Variants in CHRNA2 observed in about 807,000 individuals in gnomAD.
CHRNA2 encodes the protein neuronal acetylcholine receptor subunit alpha-2.
A neutral mutation model predicts 45.5 loss-of-function variants in CHRNA2; 40 were observed. That is an observed-to-expected ratio of 0.88 (90% CI 0.68 to 1.15). CHRNA2 has a LOEUF of 1.15. Among genes scored for constraint, CHRNA2 ranks in the 50% most tolerant of loss-of-function variants. CHRNA2 has a pLI of 0.00. For missense variants in CHRNA2, 655 were observed against 701.7 expected (o/e 0.93, Z 0.75); for synonymous variants, 301 against 296.7 (o/e 1.01, Z -0.15).
At chr8:27,464,113 G>A in intron 5 of CHRNA2, 120 bp from the exon 6 acceptor site, 1 of 1,164,098 alleles carries the variant, frequency 8.6e-7, no homozygotes, top group South Asian at 1.3e-5. Flanking sequence ...ACACTGGCGG[G>A]GTTTATTTAT....
At chr8:27,464,493 GT>G (rs560301832) in intron 5 of CHRNA2, among the ~76,000 whole-genome samples, 188 of 152,212 alleles carry the variant, frequency 1.2e-3, no homozygotes, top group African/African-American at 4.4e-3. Flanking sequence ...CTCTTCCAAA[GT>G]TCGTGCGTGT....
At chr8:27,473,528 C>A (rs545556153) in intron 1 of CHRNA2, among the ~76,000 whole-genome samples, 12 of 119,762 alleles carry the variant, frequency 1.0e-4, no homozygotes, top group South Asian at 2.9e-4. Context: ...AGTGAGACCC[C>A]CCCCGCCGTC....
chr8:27,472,405 G>T (rs141457058), intron 1 of CHRNA2, among the ~76,000 whole-genome samples: 1 of 152,172 alleles, frequency 6.6e-6, no homozygotes, highest in Non-Finnish European at 1.5e-5. Context: ...GATGGTGTCT[G>T]AATTGAATTA....
intron 4 of CHRNA2, among the ~76,000 whole-genome samples, chr8:27,467,797 C>T (rs1459747955): frequency 6.6e-6 from 1 of 152,114 alleles, no homozygotes; most frequent in Non-Finnish European, 1.5e-5. Flanking sequence ...AAACTGAGGA[C>T]CCAGAGACAG....
In CHRNA2 at chr8:27,467,245, T is replaced by C. The variant is rs1064795580; in HGVS notation, c.433A>G (p.Ile145Val). The C allele has an allele frequency of 6.2e-6, 10 of 1,613,324 alleles. No homozygotes were observed. The highest frequency in any genetic ancestry group is 1.3e-5 in the African/African-American group (1 of 74,900). Residue 145 changes from isoleucine (I) to valine (V), a missense_variant, in exon 5 of 7, where the codon ATT (isoleucine) becomes GTT (valine). Physicochemically the swap from Ile to Val is conservative, Grantham distance 29. Around this residue, in one of 3 missense-constraint regions of CHRNA2, gnomAD observed 323 missense variants for 354.4 expected, o/e 0.91. Coordinates refer to ENST00000407991, the MANE Select transcript of CHRNA2 (RefSeq NM_000742.4). Reference protein sequence around the residue: ...VPSEMIWIPDIVLYNNADGEF... With the variant: ...VPSEMIWIPDVVLYNNADGEF... ...GCTTCCTACTTGTTGTAGAGAACAATGTCGGGGATCCAGATCATCTCAGAA... is the reference window on the plus strand; with the variant it reads ...GCTTCCTACTTGTTGTAGAGAACAACGTCGGGGATCCAGATCATCTCAGAA...
intron 1 of CHRNA2, 108 bp from the exon 2 acceptor site, chr8:27,471,302 C>G (rs1812876710): frequency 2.2e-6 from 1 of 465,108 alleles, no homozygotes; most frequent in Admixed American, 3.3e-5. Flanking sequence ...AGGCCCTCAG[C>G]AGGCCTCTCA....
chr8:27,463,262 C>A lies in CHRNA2; in HGVS notation c.1181G>T (p.Arg394Leu). ...GTGATAAGAGGGGCTGAGCTTCAGG[C>A]GTAGGGGGTGGCAGAGCTCCACGGG... ...PPPVELCHPL[R>L]LKLSPSYHWL... Residue 394 changes from arginine to leucine, a missense_variant, in exon 6 of 7, where the codon CGC becomes CTC. Coordinates refer to ENST00000407991, the MANE Select transcript of CHRNA2 (RefSeq NM_000742.4). This position sits in a 1 kb window ranked among gnomAD's most constrained non-coding sequence, Gnocchi z 6.1. 1.2e-6 allele frequency: 2 copies of A among 1,603,778 alleles called. No individual in the cohort carries two copies. Among genetic ancestry groups the A allele is most frequent in the Non-Finnish European group, 1.7e-6 (2 of 1,173,360 alleles).
Position 27,467,204 on chromosome 8 carries a change from C to T in CHRNA2, c.449+25G>A. ...CCTGCAAGTTGGCCTCCCCTCATCC[C>T]CCCAGGACCCCAATGGCTTCCTACT... On this transcript the variant is annotated intron_variant, in intron 5 of 6. Transcript: ENST00000407991. 5 of 1,589,844 alleles carry T rather than the reference C, an allele frequency of 3.1e-6. No individual in the cohort carries two copies. The South Asian group carries it at 4.4e-5, about 14-fold the overall frequency.
chr8:27,463,256 T>C lies in CHRNA2; in HGVS notation c.1187A>G (p.Lys396Arg). The change falls in exon 6 of 7, where the codon AAG becomes AGG. Residue 396 changes from lysine (K) to arginine (R), a missense_variant. Lys to Arg is a conservative substitution (Grantham distance 26). Coordinates refer to ENST00000407991, the MANE Select transcript of CHRNA2 (RefSeq NM_000742.4). This position sits in a 1 kb window ranked among gnomAD's most constrained non-coding sequence, Gnocchi z 6.1. The stretch of plus-strand genomic sequence containing the variant: ...CAGCCAGTGATAAGAGGGGCTGAGC[T>C]TCAGGCGTAGGGGGTGGCAGAGCTC... Reference protein sequence around the residue: ...PVELCHPLRLKLSPSYHWLES... With the variant: ...PVELCHPLRLRLSPSYHWLES... 3.7e-6 allele frequency: 6 copies of C among 1,600,410 alleles called. No homozygotes were observed. Among genetic ancestry groups the C allele is most frequent in the Non-Finnish European group, 4.3e-6 (5 of 1,170,972 alleles).
rs141195432 is a variant in CHRNA2 at position 27,464,463 on chromosome 8, G to A, written c.450-470C>T. Among the ~76,000 whole-genome samples, 246 of 152,230 alleles carry A rather than the reference G, an allele frequency of 1.6e-3. 1 individual carries two copies. The highest frequency in any genetic ancestry group is 5.8e-3 in the African/African-American group (239 of 41,528). ...AGGCCAGCCACGCCACGGGGGAGAA[G>A]GAGATAGCATTCAAAGCATCTCTTC... is the stretch of plus-strand genomic sequence containing the variant. On this transcript the variant is annotated intron_variant, in intron 5 of 6. Coordinates refer to ENST00000407991, the MANE Select transcript of CHRNA2 (RefSeq NM_000742.4).
Position 27,463,999 on chromosome 8 carries a change from A to T in CHRNA2, c.450-6T>A, listed in dbSNP as rs757498454. The T allele has an allele frequency of 1.2e-5, 19 of 1,613,890 alleles. No individual in the cohort carries two copies. The South Asian group carries it at 2.1e-4, about 18-fold the overall frequency. ...CTGCAAACTCCCCATCTGCACTGAG[A>T]AGAGGAGAGGAGCTGGGGAGACCCC... is the stretch of plus-strand genomic sequence containing the variant. On this transcript the variant is annotated splice_polypyrimidine_tract_variant and splice_region_variant and intron_variant, in intron 5 of 6. Coordinates refer to ENST00000407991, the MANE Select transcript of CHRNA2 (RefSeq NM_000742.4). This position sits in a 1 kb window ranked among gnomAD's most constrained non-coding sequence, Gnocchi z 6.1.
At chr8:27,478,381 T>A (rs2741337) in intron 1 of CHRNA2, among the ~76,000 whole-genome samples, 45,081 of 152,032 alleles carry the variant, frequency 0.3, 7,045 homozygotes, top group Middle Eastern at 0.4. Context: ...GGAATCCACT[T>A]CACAAATGCC....
chr8:27,467,886 ACAGGAGTCC>A (rs1242182888), intron 4 of CHRNA2, among the ~76,000 whole-genome samples: 3 of 152,062 alleles, frequency 2.0e-5, no homozygotes, highest in African/African-American at 7.2e-5. Context: ...CAAGTGCCCC[ACAGGAGTCC>A]CACCAGAGAC....
rs780941610 is a variant in CHRNA2 at position 27,463,441 on chromosome 8, G to A, written c.1002C>T (p.Phe334=). The change falls in exon 6 of 7, where the codon TTC becomes TTT. Residue 334 remains phenylalanine (F), a synonymous_variant. Transcript: ENST00000407991. This position sits in a 1 kb window ranked among gnomAD's most constrained non-coding sequence, Gnocchi z 6.1. ...TGGACAGGGTGACGAAGATCATGGT[G>A]AACAGCAGGTACTCGCCGATGAGCG... is the stretch of plus-strand genomic sequence containing the variant. ...VIPLIGEYLL[F]TMIFVTLSIV... 30 of 1,614,110 alleles carry A rather than the reference G, an allele frequency of 1.9e-5. No homozygotes were observed. The highest frequency in any genetic ancestry group is 2.5e-5 in the Non-Finnish European group (30 of 1,180,042).
chr8:27,463,970 G>T lies in CHRNA2; in HGVS notation c.473C>A (p.Thr158Asn). Residue 158 changes from threonine to asparagine, a missense_variant, in exon 6 of 7, where the codon ACC becomes AAC. By Grantham distance (65) the Thr-to-Asn change is moderately conservative (BLOSUM62 0). Coordinates refer to ENST00000407991, the MANE Select transcript of CHRNA2 (RefSeq NM_000742.4). This position sits in a 1 kb window ranked among gnomAD's most constrained non-coding sequence, Gnocchi z 6.1. ...GAAGAGGTGGGCCTTGGTCATGTGG[G>T]TCACTGCAAACTCCCCATCTGCACT... is the stretch of plus-strand genomic sequence containing the variant. ...YNNADGEFAV[T>N]HMTKAHLFST... 6.2e-7 allele frequency: 1 copy of T among 1,614,184 alleles called. No homozygotes were observed. Among genetic ancestry groups the T allele is most frequent in the Non-Finnish European group, 8.5e-7 (1 of 1,180,044 alleles).
At chr8:27,477,100 T>A (rs1160203045) in intron 1 of CHRNA2, 1 of 152,044 alleles carries the variant, frequency 6.6e-6, no homozygotes, top group Non-Finnish European at 1.5e-5. Flanking sequence ...GAAACTAGAA[T>A]GCGATAAATT....
Position 27,462,217 on chromosome 8 carries a change from C to T in CHRNA2, c.1465-463G>A, listed in dbSNP as rs548961523. On this transcript the variant is annotated intron_variant, in intron 6 of 6. Transcript: ENST00000407991. ...GACCCCAGGCAGGCTGGGGGTGGGG[C>T]GGGGGCTTTGTAGAACTTGGGCTCA... Among the ~76,000 whole-genome samples the T allele has an allele frequency of 2.0e-4, 31 of 152,316 alleles. No homozygotes were observed. In the South Asian group the frequency reaches 2.9e-3, roughly 14 times the overall value.
chr8:27,473,876 C>T (rs764006910), intron 1 of CHRNA2, among the ~76,000 whole-genome samples: 9 of 152,144 alleles, frequency 5.9e-5, no homozygotes, highest in African/African-American at 1.2e-4. Context: ...CTCCCAGGGT[C>T]GGTTGCACCG....
chr8:27,466,508 A>G (rs527463477), intron 5 of CHRNA2, among the ~76,000 whole-genome samples: 63 of 152,242 alleles, frequency 4.1e-4, no homozygotes, highest in African/African-American at 1.4e-3. Context: ...ACCCTTTTTC[A>G]TACCTATTTA....
Sources: gnomAD v4.1 joint callset for allele counts (sites outside exome capture counted in the v4.1 genomes callset) on GRCh38, gnomAD v4.1.1 for gene constraint, gnomAD v4.1.1 regional missense constraint, Gnocchi (gnomAD v3.1) non-coding constraint, MANE v1.5 for transcripts, NCBI Gene and HGNC (gene_info 2026-07-23, HGNC 2026-07-21) for gene names.